The following DMAC2 variants were observed in gnomAD, a reference collection of about 807,000 sequenced individuals.
DMAC2 encodes the protein distal membrane arm assembly component 2, also known as distal membrane-arm assembly complex protein 2.
DMAC2 carries 32 observed loss-of-function variants against 29.6 expected under a neutral mutation model. The observed-to-expected ratio is 1.08, with a 90% confidence interval of 0.81 to 1.45. The LOEUF is 1.45. Among genes scored for constraint, DMAC2 ranks in the 40% most tolerant of loss-of-function variants. DMAC2 has a pLI of 0.00. For synonymous variants in DMAC2, 133 were observed against 137.4 expected, an observed-to-expected ratio of 0.97 and a Z score of 0.23; for missense variants, 319 against 340.0, an observed-to-expected ratio of 0.94 and a Z score of 0.49.
rs781877249 is a variant in DMAC2 at position 41,432,134 on chromosome 19, G to A, written c.*97C>T. 47 of 1,397,304 alleles carry A rather than the reference G, an allele frequency of 3.4e-5. No individual in the cohort carries two copies. The highest frequency in any genetic ancestry group is 5.1e-5 in the South Asian group (4 of 77,782). 86.6% of individuals were successfully genotyped at this position (1,397,304 alleles called of 1,614,324 possible). On this transcript the variant is annotated 3_prime_UTR_variant, in exon 6 of 6. Transcript: ENST00000221943. ...GCCAGCACCACTCCCCCACCCTGAC[G>A]TTGAGTGAAGACAAATGGAAGCCAG...
chr19:41,439,333 T>C (rs1257399983), intron 1 of DMAC2: 3 of 575,104 alleles, frequency 5.2e-6, no homozygotes, highest in Non-Finnish European at 9.0e-6. Flanking sequence ...TTAAATCCTC[T>C]GAAAGAATAT....
In DMAC2 at chr19:41,433,261, T is replaced by C. The variant is rs1555769957; in HGVS notation, c.596+11A>G. Reference sequence around the variant, plus strand: ...CCTGGGCATGTGGCCCAGCCTGAGCTGAGGTCTCACTGGAGGTGGTGGAGG... The same window carrying C: ...CCTGGGCATGTGGCCCAGCCTGAGCCGAGGTCTCACTGGAGGTGGTGGAGG... On this transcript the variant is annotated intron_variant, in intron 5 of 5. Coordinates refer to ENST00000221943, the MANE Select transcript of DMAC2 (RefSeq NM_018035.3). The C allele has an allele frequency of 1.9e-5, 30 of 1,603,586 alleles. No homozygotes were observed. The highest frequency in any genetic ancestry group is 2.5e-5 in the Non-Finnish European group (29 of 1,176,884).
At chr19:41,439,221 T>G in intron 1 of DMAC2, 1 of 440,106 alleles carries the variant, frequency 2.3e-6, no homozygotes, top group South Asian at 3.3e-5. Context: ...CAAATTCTTT[T>G]TTTTTTTCAA....
In DMAC2 at chr19:41,439,890, G is replaced by A. The variant is rs139204637; in HGVS notation, c.10C>T (p.Pro4Ser). The A allele has an allele frequency of 1.5e-3, 2,457 of 1,614,186 alleles. 4 individuals carry two copies. Among genetic ancestry groups the A allele is most frequent in the Middle Eastern group, 5.9e-3 (36 of 6,058 alleles). The change falls in exon 1 of 6, where the codon CCC becomes TCC. Residue 4 changes from proline to serine, a missense_variant. By Grantham distance (74) the Pro-to-Ser change is moderately conservative. Transcript: ENST00000221943. MAA[P>S]WASLRLVAPM... ...GAACTCCGGTCACTTACCGCCCAGG[G>A]AGCCGCCATCTTGCTAAGGTTTCGT...
intron 5 of DMAC2, chr19:41,432,910 G>A (rs1356640379): frequency 3.8e-6 from 2 of 523,800 alleles, no homozygotes; most frequent in Non-Finnish European, 6.7e-6. Context: ...ATGTGTGTGT[G>A]TATAGGGAGG....
At position 41,433,324 on chromosome 19, in the gene DMAC2, C is replaced by T. The variant is rs1555770034; in HGVS notation, c.544G>A (p.Ala182Thr). Residue 182 changes from alanine (A) to threonine (T), a missense_variant, in exon 5 of 6, where the codon GCC (alanine) becomes ACC (threonine). By Grantham distance (58) the Ala-to-Thr change is moderately conservative. Coordinates refer to ENST00000221943, the MANE Select transcript of DMAC2 (RefSeq NM_018035.3). Reference protein sequence around the residue: ...LADSLQELSLAGCPRISERGL... With the variant: ...LADSLQELSLTGCPRISERGL... ...CGTTCGGAGATGCGGGGGCAACCGG[C>T]CAGCGAGAGCTCCTGCAACGAGTCG... is the stretch of plus-strand genomic sequence containing the variant. 7 of 1,611,686 alleles carry T rather than the reference C, an allele frequency of 4.3e-6. No individual in the cohort carries two copies. Among genetic ancestry groups the T allele is most frequent in the Non-Finnish European group, 5.9e-6 (7 of 1,179,890 alleles).
At chr19:41,437,695 T>C (rs1555771644) in intron 2 of DMAC2, among the ~76,000 whole-genome samples, 1 of 147,470 alleles carries the variant, frequency 6.8e-6, no homozygotes, top group Non-Finnish European at 1.5e-5. Flanking sequence ...CAAGACTCCA[T>C]CTCAGAAAAA....
chr19:41,436,663 A>T (rs1419811564), intron 2 of DMAC2, among the ~76,000 whole-genome samples, 191 bp from the exon 3 acceptor site: 2 of 152,208 alleles, frequency 1.3e-5, no homozygotes, highest in Non-Finnish European at 2.9e-5. Flanking sequence ...GGCAGATAAC[A>T]TCCCTGCCCA....
chr19:41,432,306 T>A lies in DMAC2; in HGVS notation c.699A>T (p.Gly233=). 6.2e-7 allele frequency: 1 copy of A among 1,614,130 alleles called. No homozygotes were observed. The highest frequency in any genetic ancestry group is 8.5e-7 in the Non-Finnish European group (1 of 1,180,026). The change falls in exon 6 of 6, where the codon GGA becomes GGT. Residue 233 remains glycine, a synonymous_variant. Transcript: ENST00000221943. ...ACTTCAGGCCCTCAGCCCAGTCGAC[T>A]CCCACAACCTCGCAATTGGGCAGCA... The part of the protein sequence containing the change: ...EEMLPNCEVV[G]VDWAEGLKSG...
chr19:41,431,885 G>A lies in DMAC2; in HGVS notation c.*346C>T. On this transcript the variant is annotated 3_prime_UTR_variant, in exon 6 of 6. Coordinates refer to ENST00000221943, the MANE Select transcript of DMAC2 (RefSeq NM_018035.3). ...AGTAGTAGCCCCTGTGTCAGTCAGG[G>A]TCCCTGCAAGAAATGGCAGTGCACT... 3.1e-6 allele frequency: 1 copy of A among 322,134 alleles called. No individual in the cohort carries two copies. The highest frequency in any genetic ancestry group is 5.9e-6 in the Non-Finnish European group (1 of 170,402). 20.0% of individuals were successfully genotyped at this position (322,134 alleles called of 1,614,324 possible). A position where few individuals can be genotyped will look rare whatever the true frequency, so the allele number is the denominator to read the frequency against.
chr19:41,431,596 CA>C lies in DMAC2; in HGVS notation c.*634del, dbSNP rs1568514230. On this transcript the variant is annotated 3_prime_UTR_variant, in exon 6 of 6. Coordinates refer to ENST00000221943, the MANE Select transcript of DMAC2 (RefSeq NM_018035.3). ...ACTGCGGCGTCCAGAGGCAGAAGCACAACCAACAAGAACCACGAAGGAGGCG... is the reference window on the plus strand; with the variant it reads ...ACTGCGGCGTCCAGAGGCAGAAGCACACCAACAAGAACCACGAAGGAGGCG... The C allele has an allele frequency of 3.3e-6, 1 of 298,612 alleles. No homozygotes were observed. Among genetic ancestry groups the C allele is most frequent in the African/African-American group, 2.2e-5 (1 of 45,586 alleles). 18.5% of individuals were successfully genotyped at this position (298,612 alleles called of 1,614,324 possible).
intron 5 of DMAC2, 149 bp downstream of exon 5, chr19:41,433,123 G>T: frequency 2.4e-6 from 2 of 848,734 alleles, no homozygotes; most frequent in Non-Finnish European, 3.5e-6. Flanking sequence ...CACTGTGACT[G>T]CTCATCTACC....
Position 41,432,050 on chromosome 19 carries a change from C to T in DMAC2, c.*181G>A, listed in dbSNP as rs1193216176. On this transcript the variant is annotated 3_prime_UTR_variant, in exon 6 of 6. Transcript: ENST00000221943. Reference sequence around the variant, plus strand: ...CCTGACAGGGTGACAGGAGCTGTGACCTTTAGCCAAGGGCAGCCAGGAATA... The same window carrying T: ...CCTGACAGGGTGACAGGAGCTGTGATCTTTAGCCAAGGGCAGCCAGGAATA... 1.5e-6 allele frequency: 1 copy of T among 686,210 alleles called. No homozygotes were observed. Among genetic ancestry groups the T allele is most frequent in the Admixed American group, 2.9e-5 (1 of 34,460 alleles). 42.5% of individuals were successfully genotyped at this position (686,210 alleles called of 1,614,324 possible).
intron 5 of DMAC2, chr19:41,432,679 TAGGGAGATAAGCCAGTATAAGGACAGC>T: frequency 2.8e-6 from 1 of 354,710 alleles, no homozygotes; most frequent in Non-Finnish European, 5.0e-6. Flanking sequence ...TGTGTGTGTA[TAGGGAGATAAGCCAGTATAAGGACAGC>T]GTGTGTGTGT....
intron 2 of DMAC2, among the ~76,000 whole-genome samples, chr19:41,437,084 A>G (rs116305240): frequency 1.9e-3 from 288 of 152,274 alleles, no homozygotes; most frequent in African/African-American, 6.4e-3. Flanking sequence ...AGATTCCTTC[A>G]GCTGCTTTGT....
intron 5 of DMAC2, 191 bp from the exon 6 acceptor site, chr19:41,432,599 AAG>A: frequency 4.0e-6 from 2 of 500,834 alleles, no homozygotes; most frequent in South Asian, 4.0e-5. Context: ...ATAGGGAGGT[AAG>A]CCAGTGTAAG....
intron 1 of DMAC2, chr19:41,439,458 C>G: frequency 2.0e-6 from 3 of 1,534,040 alleles, no homozygotes; most frequent in Non-Finnish European, 1.7e-6. Flanking sequence ...GTCAATCTCC[C>G]ACTAACTTTC....
At chr19:41,436,349 C>A in intron 3 of DMAC2, 43 bp downstream of exon 3, 2 of 1,563,406 alleles carry the variant, frequency 1.3e-6, no homozygotes, top group African/African-American at 2.7e-5. Context: ...GAGAGATACC[C>A]CACCACCTGC....
intron 5 of DMAC2, chr19:41,433,010 T>C (rs1329480636): frequency 5.6e-6 from 3 of 531,794 alleles, no homozygotes; most frequent in South Asian, 5.7e-5. Flanking sequence ...ATTGCAAATA[T>C]GCAACTCCAG....
Sources: allele counts gnomAD v4.1 joint callset (sites outside exome capture counted in the v4.1 genomes callset), GRCh38; gene constraint gnomAD v4.1.1; transcripts MANE v1.5; gene names NCBI Gene and HGNC (gene_info 2026-07-23, HGNC 2026-07-21).